MARCHF1: variants seen among roughly 807,000 people sequenced by gnomAD.
The protein encoded by MARCHF1 is E3 ubiquitin-protein ligase MARCHF1.
In MARCHF1, 40 loss-of-function variants were observed where a neutral mutation model predicts 54.2. The ratio of observed to expected loss-of-function variants is 0.74; its 90% CI spans 0.57 to 0.96. The LOEUF (loss-of-function observed/expected upper bound fraction) is 0.96. MARCHF1 is among the 40% of genes least tolerant of loss of function. MARCHF1 has a pLI of 0.00. For synonymous variants in MARCHF1, 236 were observed against 236.3 expected (o/e 1.00, Z 0.01); for missense variants, 586 against 656.5 (o/e 0.89, Z 1.17).
At chr4:164,110,987 T>C (rs13149096) in intron 2 of MARCHF1, among the ~76,000 whole-genome samples, 2 of 151,806 alleles carry the variant, frequency 1.3e-5, no homozygotes, top group East Asian at 1.9e-4. Context: ...TTCTACACAA[T>C]AGCCTTTGGT....
intron 2 of MARCHF1, among the ~76,000 whole-genome samples, chr4:164,106,766 TA>T (rs755552994): frequency 0.01 from 451 of 44,118 alleles, 3 homozygotes; most frequent in Non-Finnish European, 0.019. Flanking sequence ...TGAAGTATAA[TA>T]AAAATAAAAA....
intron 4 of MARCHF1, among the ~76,000 whole-genome samples, chr4:163,724,433 C>G (rs1325612682): frequency 6.6e-6 from 1 of 152,220 alleles, no homozygotes; most frequent in Non-Finnish European, 1.5e-5. Context: ...GGGGGTGCCT[C>G]CCAGTTAGGC....
At chr4:163,848,193 T>C (rs1170144372) in intron 4 of MARCHF1, among the ~76,000 whole-genome samples, 6 of 152,098 alleles carry the variant, frequency 3.9e-5, no homozygotes, top group Non-Finnish European at 7.4e-5. Flanking sequence ...TCCTTGAGAG[T>C]TTCTTATCTA....
chr4:164,072,367 C>T (rs772954993), intron 2 of MARCHF1, among the ~76,000 whole-genome samples: 1 of 152,024 alleles, frequency 6.6e-6, no homozygotes, highest in Non-Finnish European at 1.5e-5. Context: ...AGGTTCGAGA[C>T]CAGCTTCAGC....
intron 5 of MARCHF1, among the ~76,000 whole-genome samples, chr4:163,672,804 C>T (rs1242662359): frequency 1.3e-5 from 2 of 152,186 alleles, no homozygotes; most frequent in Non-Finnish European, 2.9e-5. Context: ...ATCCAGCTCC[C>T]TGCCTTTTCC....
At chr4:164,010,393 G>C (rs578125866) in intron 2 of MARCHF1, among the ~76,000 whole-genome samples, 1 of 151,610 alleles carries the variant, frequency 6.6e-6, no homozygotes, top group African/African-American at 2.4e-5. Context: ...CACTGTGCCC[G>C]GCCAAAAACT....
At chr4:163,645,586 A>G (rs541699969) in intron 5 of MARCHF1, among the ~76,000 whole-genome samples, 11 of 152,326 alleles carry the variant, frequency 7.2e-5, no homozygotes, top group East Asian at 3.9e-4. Flanking sequence ...ATGAAGCTCA[A>G]TGAGGTGCAA....
chr4:164,248,029 G>A (rs2111234935), intron 1 of MARCHF1, among the ~76,000 whole-genome samples: 1 of 151,356 alleles, frequency 6.6e-6, no homozygotes, highest in South Asian at 2.1e-4. Flanking sequence ...AAGCCATTGG[G>A]GAATAATATC....
chr4:163,890,774 G>A (rs1257807129), intron 3 of MARCHF1, among the ~76,000 whole-genome samples: 1 of 152,066 alleles, frequency 6.6e-6, no homozygotes, highest in Non-Finnish European at 1.5e-5. Context: ...CTCCCAAAGT[G>A]CTGGGATTAT....
intron 3 of MARCHF1, among the ~76,000 whole-genome samples, chr4:163,943,971 TG>T (rs1425144809): frequency 6.6e-6 from 1 of 151,868 alleles, no homozygotes; most frequent in African/African-American, 2.4e-5. Flanking sequence ...TGCTTTTTTT[TG>T]TTTTGTTTTT....
Position 163,733,258 on chromosome 4 carries a change from T to TATACACGTGTATATATATACAC in MARCHF1, c.112-32396_112-32395insGTGTATATATATACACGTGTAT, listed in dbSNP as rs1554008879. Among the ~76,000 whole-genome samples, 299 of 45,058 alleles carry TATACACGTGTATATATATACAC rather than the reference T, an allele frequency of 6.6e-3. 16 individuals carry two copies. The highest frequency in any genetic ancestry group is 0.019 in the African/African-American group (287 of 15,254). 29.6% of individuals were successfully genotyped at this position (45,058 alleles called of 152,430 possible). ...ATATATATACACGTGTATATATATA[T>TATACACGTGTATATATATACAC]ACACACACACACACACACAGACACA... On this transcript the variant is annotated intron_variant, in intron 4 of 9. Coordinates refer to ENST00000514618, the MANE Select transcript of MARCHF1 (RefSeq NM_001394959.1).
At chr4:163,556,552 A>AT (rs35746902) in intron 8 of MARCHF1, among the ~76,000 whole-genome samples, 55,932 of 148,298 alleles carry the variant, frequency 0.38, 11,708 homozygotes, top group Non-Finnish European at 0.49. Flanking sequence ...AATTGAGTTG[A>AT]TTTTTTTTTT....
chr4:164,094,188 G>A (rs1042119156), intron 2 of MARCHF1, among the ~76,000 whole-genome samples: 5 of 152,090 alleles, frequency 3.3e-5, no homozygotes, highest in African/African-American at 4.8e-5. Flanking sequence ...GGGCTGAACT[G>A]TATGGTCAGA....
intron 5 of MARCHF1, among the ~76,000 whole-genome samples, chr4:163,686,340 TA>T (rs1744267648): frequency 6.6e-6 from 1 of 151,846 alleles, no homozygotes; most frequent in African/African-American, 2.4e-5. Flanking sequence ...CTACAAATTA[TA>T]TGTTGCTCTG....
intron 2 of MARCHF1, among the ~76,000 whole-genome samples, chr4:164,099,208 T>A (rs1755480999): frequency 6.6e-6 from 1 of 152,148 alleles, no homozygotes; most frequent in Non-Finnish European, 1.5e-5. Flanking sequence ...AAAAATGGGA[T>A]ACAATCAGGA....
At chr4:164,320,062 C>T (rs1338970061) in intron 1 of MARCHF1, among the ~76,000 whole-genome samples, 2 of 152,086 alleles carry the variant, frequency 1.3e-5, no homozygotes, top group African/African-American at 4.8e-5. Flanking sequence ...ATATGTTTTT[C>T]ACACATCCAT....
intron 4 of MARCHF1, among the ~76,000 whole-genome samples, chr4:163,707,676 A>G (rs980703828): frequency 2.6e-5 from 4 of 151,852 alleles, no homozygotes; most frequent in Non-Finnish European, 5.9e-5. Flanking sequence ...AATTAAAAAT[A>G]TCACTTCATG....
At chr4:163,694,778 A>G (rs1163182974) in intron 5 of MARCHF1, among the ~76,000 whole-genome samples, 1 of 152,168 alleles carries the variant, frequency 6.6e-6, no homozygotes, top group Admixed American at 6.6e-5. Context: ...TTGATTATAT[A>G]TAAAGTTATG....
intron 5 of MARCHF1, among the ~76,000 whole-genome samples, chr4:163,690,032 T>C (rs1272754990): frequency 1.3e-5 from 2 of 152,102 alleles, no homozygotes; most frequent in Non-Finnish European, 1.5e-5. Flanking sequence ...TTTGGGAGCC[T>C]GTACTTGGCT....
Sources: gnomAD v4.1 joint callset for allele counts (sites outside exome capture counted in the v4.1 genomes callset) on GRCh38, gnomAD v4.1.1 for gene constraint, MANE v1.5 for transcripts, NCBI Gene and HGNC (gene_info 2026-07-23, HGNC 2026-07-21) for gene names.